CDS2: variants seen among roughly 807,000 people sequenced by gnomAD.
CDS2 encodes phosphatidate cytidylyltransferase 2.
A neutral mutation model predicts 59.0 loss-of-function variants in CDS2; 47 were observed. The ratio of observed to expected loss-of-function variants is 0.80; its 90% CI spans 0.63 to 1.02. The LOEUF is 1.02. Ranked by LOEUF, CDS2 falls within the 50% of genes least tolerant of loss-of-function variation. The pLI, the probability that CDS2 is intolerant of heterozygous loss-of-function variation, is 0.00. For synonymous variants in CDS2, 207 were observed against 206.4 expected, an observed-to-expected ratio of 1.00 and a Z score of -0.02; for missense variants, 356 against 558.9, an observed-to-expected ratio of 0.64 and a Z score of 3.66.
At position 5,184,917 on chromosome 20, in the gene CDS2, T is replaced by C. The variant is rs761393933; in HGVS notation, c.731T>C (p.Phe244Ser). ...GACATCATGGCCTATATGTTTGGCT[T>C]TTTCTTTGGTCGGACCCCACTCATC... The part of the protein sequence containing the change: ...CNDIMAYMFG[F>S]FFGRTPLIKL... Residue 244 changes from phenylalanine to serine, a missense_variant, in exon 8 of 13, where the codon TTT (phenylalanine) becomes TCT (serine). By Grantham distance (155) the Phe-to-Ser change is radical (BLOSUM62 -2). Transcript: ENST00000460006. This position sits in a 1 kb window ranked among gnomAD's most constrained non-coding sequence, Gnocchi z 4.3. 6.2e-7 allele frequency: 1 copy of C among 1,613,918 alleles called. No homozygotes were observed.
At position 5,182,388 on chromosome 20, in the gene CDS2, A is replaced by G. The variant is rs964471698; in HGVS notation, c.531A>G (p.Gly177=). Residue 177 remains glycine (G), a splice_region_variant and synonymous_variant, in exon 6 of 13, where the codon GGA becomes GGG. Transcript: ENST00000460006. The stretch of plus-strand genomic sequence containing the variant: ...TTTTCTCCTCCCACCTCAAACTAGG[A>G]TTCTGCATGTTTGTACTGAGTCTGG... ...RFISFTLYLI[G]FCMFVLSLVK... is the part of the protein sequence containing the mutation. 3 of 1,608,750 alleles carry G rather than the reference A, an allele frequency of 1.9e-6. No individual in the cohort carries two copies. The highest frequency in any genetic ancestry group is 2.5e-6 in the Non-Finnish European group (3 of 1,177,864).
rs199633133 is a variant in CDS2 at position 5,185,669 on chromosome 20, TGAAA to T, written c.760-83_760-80del. 1,895 of 1,193,392 alleles carry T rather than the reference TGAAA, an allele frequency of 1.6e-3. 33 individuals carry two copies. The African/African-American group carries it at 0.025, about 16-fold the overall frequency. 73.9% of individuals were successfully genotyped at this position (1,193,392 alleles called of 1,614,324 possible). A position where few individuals can be genotyped will look rare whatever the true frequency, so the allele number is the denominator to read the frequency against. On this transcript the variant is annotated intron_variant, in intron 8 of 12. Coordinates refer to ENST00000460006, the MANE Select transcript of CDS2 (RefSeq NM_003818.4). ...ACATGGTTAAGAGAATGGGGTTTTA[TGAAA>T]GAAAGGTTCTTAACAAGTAATCATT...
chr20:5,185,836 G>A lies in CDS2; in HGVS notation c.828+10G>A. ...GGTGTTTGGCCTTCTGGTAGGTGGT[G>A]GCTTTCAGCTGTGTAAGGGATTGGG... On this transcript the variant is annotated intron_variant, in intron 9 of 12. Transcript: ENST00000460006. The A allele has an allele frequency of 6.2e-7, 1 of 1,613,970 alleles. No individual in the cohort carries two copies. Among genetic ancestry groups the A allele is most frequent in the Non-Finnish European group, 8.5e-7 (1 of 1,179,818 alleles).
intron 3 of CDS2, chr20:5,176,022 T>C (rs1277847747): frequency 6.5e-6 from 1 of 153,524 alleles, no homozygotes; most frequent in African/African-American, 2.4e-5. Context: ...CATTTGACTT[T>C]GAATACTTGA....
intron 8 of CDS2, among the ~76,000 whole-genome samples, 157 bp from the exon 9 acceptor site, chr20:5,185,601 A>G (rs1391723378): frequency 6.6e-6 from 1 of 152,234 alleles, no homozygotes; most frequent in Non-Finnish European, 1.5e-5. Context: ...AGGATATAAG[A>G]TAGGGAACAA....
intron 1 of CDS2, among the ~76,000 whole-genome samples, chr20:5,141,608 A>G (rs368443505): frequency 2.0e-5 from 3 of 152,142 alleles, no homozygotes; most frequent in African/African-American, 4.8e-5. Context: ...TTTGTATCCA[A>G]TATACAATAT....
intron 1 of CDS2, among the ~76,000 whole-genome samples, chr20:5,145,302 C>A (rs1414386941): frequency 7.1e-6 from 1 of 140,444 alleles, no homozygotes; most frequent in Non-Finnish European, 1.5e-5. Context: ...GCTCAATATT[C>A]ATGCTGGAAG....
At chr20:5,175,141 C>A in intron 2 of CDS2, 42 bp from the exon 3 acceptor site, 1 of 1,441,582 alleles carries the variant, frequency 6.9e-7, no homozygotes, top group Non-Finnish European at 9.8e-7. Context: ...TTTTTCTGGG[C>A]TCCTAACTGG....
chr20:5,189,211 C>G (rs1339012177), intron 11 of CDS2, 25 bp downstream of exon 11: 3 of 1,613,566 alleles, frequency 1.9e-6, no homozygotes, highest in African/African-American at 2.7e-5. Context: ...TTACGTTCCT[C>G]TCATCTCACT....
chr20:5,165,241 G>T (rs1403587343), intron 1 of CDS2, among the ~76,000 whole-genome samples: 1 of 152,148 alleles, frequency 6.6e-6, no homozygotes, highest in African/African-American at 2.4e-5. Context: ...GATACATTTG[G>T]CCACAAATGT....
chr20:5,137,482 A>G (rs1461821446), intron 1 of CDS2, among the ~76,000 whole-genome samples: 1 of 150,558 alleles, frequency 6.6e-6, no homozygotes, highest in Non-Finnish European at 1.5e-5. Flanking sequence ...ACCTCAAGTG[A>G]TCTGCCCGCC....
chr20:5,187,110 G>A, intron 10 of CDS2: 1 of 358,618 alleles, frequency 2.8e-6, no homozygotes, highest in South Asian at 3.5e-5. Flanking sequence ...GTAGGGTGGG[G>A]GGGTCTGTGA....
chr20:5,129,603 C>T (rs1007762481), intron 1 of CDS2, among the ~76,000 whole-genome samples: 10 of 152,040 alleles, frequency 6.6e-5, no homozygotes, highest in African/African-American at 2.2e-4. Context: ...CTACCATGCC[C>T]GGCTAATGTT....
chr20:5,150,720 C>T (rs753824813), intron 1 of CDS2, among the ~76,000 whole-genome samples: 20 of 152,314 alleles, frequency 1.3e-4, no homozygotes, highest in East Asian at 1.9e-4. Context: ...GCATTCCTGA[C>T]GCTCCCACCC....
At chr20:5,129,899 G>A (rs906311849) in intron 1 of CDS2, among the ~76,000 whole-genome samples, 2 of 152,038 alleles carry the variant, frequency 1.3e-5, no homozygotes, top group East Asian at 3.9e-4. Flanking sequence ...TTTTTAATAA[G>A]GGAACATTTT....
chr20:5,189,981 C>A, intron 12 of CDS2, 121 bp from the exon 13 acceptor site: 1 of 1,405,092 alleles, frequency 7.1e-7, no homozygotes, highest in African/African-American at 1.4e-5. Context: ...TTTTCTGAGG[C>A]CTCCTGTCAT....
intron 1 of CDS2, among the ~76,000 whole-genome samples, chr20:5,151,795 G>A (rs2090793104): frequency 1.8e-5 from 2 of 109,910 alleles, no homozygotes; most frequent in Admixed American, 1.2e-4. Context: ...ACGGAGTTTC[G>A]CTCTTGTTGC....
Position 5,182,423 on chromosome 20 carries a change from A to G in CDS2, c.566A>G (p.His189Arg). The change falls in exon 6 of 13, where the codon CAT (histidine) becomes CGT (arginine). Residue 189 changes from histidine (H) to arginine (R), a missense_variant. By Grantham distance (29) the His-to-Arg change is conservative. Coordinates refer to ENST00000460006, the MANE Select transcript of CDS2 (RefSeq NM_003818.4). ...TTTGTACTGAGTCTGGTCAAGAAGCATTATCGACTGCAGTTCTACATGGTA... is the reference window on the plus strand; with the variant it reads ...TTTGTACTGAGTCTGGTCAAGAAGCGTTATCGACTGCAGTTCTACATGGTA... Reference protein sequence around the residue: ...CMFVLSLVKKHYRLQFYMFGW... With the variant: ...CMFVLSLVKKRYRLQFYMFGW... 1.2e-6 allele frequency: 2 copies of G among 1,612,470 alleles called. No individual in the cohort carries two copies. The highest frequency in any genetic ancestry group is 1.7e-6 in the Non-Finnish European group (2 of 1,179,248).
intron 2 of CDS2, 115 bp from the exon 3 acceptor site, chr20:5,175,068 A>G (rs182537801): frequency 5.3e-6 from 4 of 758,390 alleles, no homozygotes; most frequent in African/African-American, 5.2e-5. Context: ...TGAATCTGGA[A>G]AGGACTGAGC....
Sources: allele counts gnomAD v4.1 joint callset (sites outside exome capture counted in the v4.1 genomes callset), GRCh38; gene constraint gnomAD v4.1.1; non-coding constraint Gnocchi (gnomAD v3.1); transcripts MANE v1.5; gene names NCBI Gene and HGNC (gene_info 2026-07-23, HGNC 2026-07-21).